The following CSMD3 variants were observed in gnomAD, a reference collection of about 807,000 sequenced individuals.
CSMD3 encodes the protein CUB and sushi domain-containing protein 3.
In CSMD3, 177 loss-of-function variants were observed where a neutral mutation model predicts 435.2. The observed-to-expected ratio is 0.41, with a 90% CI of 0.36 to 0.46. The LOEUF is 0.46. Ranked by LOEUF, CSMD3 falls within the 20% of genes least tolerant of loss-of-function variation. The pLI, the probability that CSMD3 is intolerant of heterozygous loss-of-function variation, is 0.34. For missense variants in CSMD3, 4,265 were observed against 4,504.6 expected (o/e 0.95, Z 1.52); for synonymous variants, 1,656 against 1,520.5 (o/e 1.09, Z -2.07).
chr8:113,341,903 GA>G (rs1306458106), intron 1 of CSMD3, among the ~76,000 whole-genome samples: 1 of 151,908 alleles, frequency 6.6e-6, no homozygotes, highest in African/African-American at 2.4e-5. Context: ...TCTTGATGGT[GA>G]AAAAATACAT....
At chr8:112,564,265 GT>G (rs1209326381) in intron 24 of CSMD3, among the ~76,000 whole-genome samples, 1 of 150,976 alleles carries the variant, frequency 6.6e-6, no homozygotes, top group Non-Finnish European at 1.5e-5. Flanking sequence ...CTATAGGGAG[GT>G]TTTCTTGGCC....
chr8:112,566,089 T>C (rs1281663181), intron 24 of CSMD3, among the ~76,000 whole-genome samples: 6 of 150,828 alleles, frequency 4.0e-5, no homozygotes, highest in South Asian at 2.1e-4. Context: ...ATACATTAAA[T>C]CTATAAAACT....
chr8:112,736,059 T>G (rs1648934270), intron 13 of CSMD3, among the ~76,000 whole-genome samples: 1 of 152,050 alleles, frequency 6.6e-6, no homozygotes, highest in Admixed American at 6.6e-5. Context: ...TTTAGGAGCC[T>G]AGTTCATGTT....
intron 4 of CSMD3, among the ~76,000 whole-genome samples, chr8:113,161,930 G>A (rs574793946): frequency 6.6e-6 from 1 of 151,936 alleles, no homozygotes; most frequent in Non-Finnish European, 1.5e-5. Flanking sequence ...AACTCTACAC[G>A]TTATACATGA....
intron 1 of CSMD3, among the ~76,000 whole-genome samples, chr8:113,368,836 T>C (rs1411097816): frequency 6.6e-6 from 1 of 152,138 alleles, no homozygotes; most frequent in Non-Finnish European, 1.5e-5. Context: ...TATTATCCCT[T>C]AATCTTAGGT....
At chr8:112,744,578 T>G (rs1321271200) in intron 13 of CSMD3, among the ~76,000 whole-genome samples, 1 of 152,046 alleles carries the variant, frequency 6.6e-6, no homozygotes, top group Non-Finnish European at 1.5e-5. Context: ...AATGGAGTAC[T>G]GAAAGGGAGA....
At chr8:112,450,335 A>T (rs1285820031) in intron 32 of CSMD3, among the ~76,000 whole-genome samples, 1 of 152,226 alleles carries the variant, frequency 6.6e-6, no homozygotes, top group East Asian at 1.9e-4. Flanking sequence ...ATTGTAATTA[A>T]TATACAGAAT....
chr8:112,508,513 C>G (rs1751011133), intron 28 of CSMD3, among the ~76,000 whole-genome samples: 1 of 152,196 alleles, frequency 6.6e-6, no homozygotes. Context: ...GTCCCACTCT[C>G]AGCTTTAAGA....
At chr8:113,196,689 G>A (rs1330038365) in intron 3 of CSMD3, among the ~76,000 whole-genome samples, 1 of 151,170 alleles carries the variant, frequency 6.6e-6, no homozygotes, top group African/African-American at 2.4e-5. Context: ...AAAAAGTCTT[G>A]AACAAGTGGT....
intron 6 of CSMD3, among the ~76,000 whole-genome samples, chr8:113,017,534 AT>A (rs774157915): frequency 7.2e-5 from 11 of 151,980 alleles, no homozygotes; most frequent in Non-Finnish European, 1.0e-4. Context: ...TGACCAGAAG[AT>A]TCCATGAATC....
At chr8:112,857,269 G>C (rs568868450) in intron 11 of CSMD3, among the ~76,000 whole-genome samples, 1 of 151,648 alleles carries the variant, frequency 6.6e-6, no homozygotes. Flanking sequence ...AGAACTGAAA[G>C]TAATTATGTC....
intron 10 of CSMD3, among the ~76,000 whole-genome samples, chr8:112,913,450 A>C (rs2130557136): frequency 6.6e-6 from 1 of 151,990 alleles, no homozygotes; most frequent in Middle Eastern, 3.4e-3. Flanking sequence ...CTTACAGTCC[A>C]CAGACCACAA....
chr8:113,152,466 T>C (rs904283836), intron 4 of CSMD3, among the ~76,000 whole-genome samples: 1 of 152,018 alleles, frequency 6.6e-6, no homozygotes, highest in Admixed American at 6.6e-5. Context: ...CCTGCATCCG[T>C]ATGTCTTGTA....
At chr8:112,658,210 T>A (rs1176960301) in intron 17 of CSMD3, among the ~76,000 whole-genome samples, 1 of 152,148 alleles carries the variant, frequency 6.6e-6, no homozygotes, top group Non-Finnish European at 1.5e-5. Flanking sequence ...TAATTTTTAG[T>A]TTGAAATGCC....
At chr8:112,448,778 A>AG (rs1815930573) in intron 32 of CSMD3, among the ~76,000 whole-genome samples, 1 of 149,100 alleles carries the variant, frequency 6.7e-6, no homozygotes, top group African/African-American at 2.5e-5. Context: ...AAAAAAAAAA[A>AG]CCAAAAACCT....
In CSMD3 at chr8:112,406,574, G is replaced by C. The variant is rs558931780; in HGVS notation, c.5759C>G (p.Thr1920Arg). 6.2e-7 allele frequency: 1 copy of C among 1,612,632 alleles called. No homozygotes were observed. Among genetic ancestry groups the C allele is most frequent in the Admixed American group, 1.7e-5 (1 of 59,940 alleles). Residue 1920 changes from threonine (T) to arginine (R), a missense_variant, in exon 35 of 71, where the codon ACA becomes AGA. By Grantham distance (71) the Thr-to-Arg change is moderately conservative. Transcript: ENST00000297405. ...CCACTGGGCCAAAGAATTGGGCACT[G>C]TTTCACACCTAATTGCTATGGATCC... ...LHGSIAIRCE[T>R]VPNSLAQWND...
chr8:112,225,024 G>T, intron 70 of CSMD3, 94 bp from the exon 71 acceptor site: 1 of 1,205,264 alleles, frequency 8.3e-7, no homozygotes. Flanking sequence ...AGCAGATAAT[G>T]TAACTTAAAA....
chr8:112,960,874 T>TA (rs547428505), intron 7 of CSMD3, among the ~76,000 whole-genome samples: 88 of 151,814 alleles, frequency 5.8e-4, no homozygotes, highest in Middle Eastern at 6.8e-3. Flanking sequence ...ACTCTCCATT[T>TA]AAAAAATCAT....
chr8:112,921,567 C>T (rs1006791902), intron 10 of CSMD3, 60 bp downstream of exon 10: 27 of 1,356,884 alleles, frequency 2.0e-5, no homozygotes, highest in Non-Finnish European at 2.7e-5. Flanking sequence ...AACTTAATTA[C>T]AATGAAATAA....
Sources: allele counts gnomAD v4.1 joint callset (sites outside exome capture counted in the v4.1 genomes callset), GRCh38; gene constraint gnomAD v4.1.1; transcripts MANE v1.5; gene names NCBI Gene and HGNC (gene_info 2026-07-23, HGNC 2026-07-21).